The following MS4A12 variants were observed in gnomAD, a reference collection of about 807,000 sequenced individuals.
MS4A12 encodes the protein membrane spanning 4-domains A12.
MS4A12 carries 28 observed loss-of-function variants against 23.7 expected under a neutral mutation model. The ratio of observed to expected loss-of-function variants is 1.18; its 90% confidence interval spans 0.88 to 1.62. The LOEUF (loss-of-function observed/expected upper bound fraction) is 1.62. MS4A12 is among the 40% of genes most tolerant of loss of function. The pLI is 0.00. For synonymous variants in MS4A12, 108 were observed against 110.1 expected (o/e 0.98, Z 0.12); for missense variants, 342 against 327.0 (o/e 1.05, Z -0.35).
At position 60,492,826 on chromosome 11, in the gene MS4A12, AAAGT is replaced by A. The variant is rs1486040261; in HGVS notation, c.-7+3_-7+6del. 6.6e-6 allele frequency: 1 copy of A among 152,262 alleles called. No individual in the cohort carries two copies. Among genetic ancestry groups the A allele is most frequent in the Non-Finnish European group, 1.5e-5 (1 of 68,060 alleles). The allele number at this position is 152,262 out of a possible 1,614,324, so 9.4% of individuals were successfully genotyped here. On this transcript the variant is annotated splice_donor_variant and 5_prime_UTR_variant, in exon 1 of 7. Coordinates refer to ENST00000016913, the MANE Select transcript of MS4A12 (RefSeq NM_017716.3). LOFTEE classifies it low-confidence loss of function (5UTR_SPLICE). Reference sequence around the variant, plus strand: ...GGAAACATAGAGGTGCCAAAGGAACAAAGTAAGTCCATTGATACGTTCTTGCCTA... The same window carrying A: ...GGAAACATAGAGGTGCCAAAGGAACAAAGTCCATTGATACGTTCTTGCCTA...
intron 3 of MS4A12, 128 bp from the exon 4 acceptor site, chr11:60,501,855 A>T (rs555197140): frequency 4.6e-5 from 36 of 787,048 alleles, no homozygotes; most frequent in Non-Finnish European, 7.6e-5. Context: ...CAGAAAATTC[A>T]GAAGTGCGAG....
chr11:60,496,047 C>T (rs1423610657), intron 1 of MS4A12, among the ~76,000 whole-genome samples: 1 of 152,180 alleles, frequency 6.6e-6, no homozygotes, highest in African/African-American at 2.4e-5. Flanking sequence ...TCTGTGTAAC[C>T]TTGAGCATGT....
intron 3 of MS4A12, among the ~76,000 whole-genome samples, chr11:60,501,456 G>T (rs1192082035): frequency 6.6e-6 from 1 of 152,132 alleles, no homozygotes; most frequent in Non-Finnish European, 1.5e-5. Flanking sequence ...CATGTAATCA[G>T]CAAGCCAAAG....
At chr11:60,501,510 G>A (rs1590861864) in intron 3 of MS4A12, among the ~76,000 whole-genome samples, 2 of 152,078 alleles carry the variant, frequency 1.3e-5, no homozygotes, top group South Asian at 2.1e-4. Context: ...TATGTATTGG[G>A]TGGAGAGAGA....
intron 2 of MS4A12, among the ~76,000 whole-genome samples, chr11:60,500,209 C>G (rs867349517): frequency 6.6e-6 from 1 of 150,474 alleles, no homozygotes; most frequent in Admixed American, 6.6e-5. Flanking sequence ...CCACTGCACT[C>G]CAGCCTGGGC....
intron 2 of MS4A12, among the ~76,000 whole-genome samples, chr11:60,498,384 G>A (rs2086505580): frequency 6.6e-6 from 1 of 152,178 alleles, no homozygotes; most frequent in South Asian, 2.1e-4. Flanking sequence ...TTCAAGTTGT[G>A]ATGTTTTAGG....
In MS4A12 at chr11:60,503,737, A is replaced by G; in HGVS notation, c.508A>G (p.Ile170Val). 1 of 1,613,870 alleles carries G rather than the reference A, an allele frequency of 6.2e-7. No individual in the cohort carries two copies. Among genetic ancestry groups the G allele is most frequent in the Non-Finnish European group, 8.5e-7 (1 of 1,179,858 alleles). Residue 170 changes from isoleucine (I) to valine (V), a missense_variant, in exon 5 of 7, where the codon ATC becomes GTC. Transcript: ENST00000016913. Reference protein sequence around the residue: ...GSLGMNIVSSILAFIGVILLL... With the variant: ...GSLGMNIVSSVLAFIGVILLL... ...CCTGGGAATGAACATTGTTAGTTCT[A>G]TCTTGGCCTTCATTGGAGTGATTCT...
intron 3 of MS4A12, 36 bp from the exon 4 acceptor site, chr11:60,501,947 A>G: frequency 6.4e-7 from 1 of 1,559,142 alleles, no homozygotes; most frequent in Non-Finnish European, 8.8e-7. Context: ...ACAACCAGTT[A>G]ACCCATTTCA....
At chr11:60,505,273 T>C (rs1224543232) in intron 5 of MS4A12, among the ~76,000 whole-genome samples, 3 of 152,058 alleles carry the variant, frequency 2.0e-5, no homozygotes, top group Non-Finnish European at 4.4e-5. Flanking sequence ...TCAGATCTCA[T>C]GAGACCCATT....
Position 60,496,100 on chromosome 11 carries a change from G to T in MS4A12, c.-6-1213G>T, listed in dbSNP as rs897490687. On this transcript the variant is annotated intron_variant, in intron 1 of 6. Coordinates refer to ENST00000016913, the MANE Select transcript of MS4A12 (RefSeq NM_017716.3). Reference sequence around the variant, plus strand: ...TCAATTTCTCATCTGTAAATCAAGGGGAATGAGACAGGATAAATGGAAAGG... The same window carrying T: ...TCAATTTCTCATCTGTAAATCAAGGTGAATGAGACAGGATAAATGGAAAGG... 2.0e-5 allele frequency among the ~76,000 whole-genome samples: 3 copies of T among 152,098 alleles called. No individual in the cohort carries two copies. The South Asian group carries it at 6.2e-4, about 32-fold the overall frequency.
intron 3 of MS4A12, 110 bp downstream of exon 3, chr11:60,501,292 C>T (rs3819092): frequency 0.061 from 75,086 of 1,231,678 alleles, 2,950 homozygotes; most frequent in East Asian, 0.17. Context: ...TTGATAAAGC[C>T]CTACATCTGA....
chr11:60,503,633 T>C lies in MS4A12; in HGVS notation c.472-68T>C. The C allele has an allele frequency of 3.3e-6, 4 of 1,213,776 alleles. No homozygotes were observed. In the South Asian group the frequency reaches 6.0e-5, roughly 18 times the overall value. 75.2% of individuals were successfully genotyped at this position (1,213,776 alleles called of 1,614,324 possible). On this transcript the variant is annotated intron_variant, in intron 4 of 6. Coordinates refer to ENST00000016913, the MANE Select transcript of MS4A12 (RefSeq NM_017716.3). Reference sequence around the variant, plus strand: ...AAAAATTAAGAACCATGAAATTTGATTGATTCTTATCTCACTTAACTTCAG... The same window carrying C: ...AAAAATTAAGAACCATGAAATTTGACTGATTCTTATCTCACTTAACTTCAG...
chr11:60,498,883 T>C (rs1297451319), intron 2 of MS4A12, among the ~76,000 whole-genome samples: 4 of 152,190 alleles, frequency 2.6e-5, no homozygotes, highest in Admixed American at 2.6e-4. Flanking sequence ...TTTGAGGTAT[T>C]TGAAGAACCG....
rs763016154 is a variant in MS4A12, at chr11:60,497,682, G to C, written c.276+88G>C. The C allele has an allele frequency of 5.2e-5, 72 of 1,378,642 alleles. No individual in the cohort carries two copies. The African/African-American group carries it at 8.9e-4, about 17-fold the overall frequency. The allele number at this position is 1,378,642 out of a possible 1,614,324, so 85.4% of individuals were successfully genotyped here. A position where few individuals can be genotyped will look rare whatever the true frequency, so the allele number is the denominator to read the frequency against. On this transcript the variant is annotated intron_variant, in intron 2 of 6. Transcript: ENST00000016913. ...GAGAGTATCATCCAATTGCTAAAAAGTTCTGAACGTTATTCTGAAATTATC... is the reference window on the plus strand; with the variant it reads ...GAGAGTATCATCCAATTGCTAAAAACTTCTGAACGTTATTCTGAAATTATC...
intron 5 of MS4A12, 80 bp downstream of exon 5, chr11:60,503,897 G>A (rs868107876): frequency 3.9e-5 from 47 of 1,190,256 alleles, no homozygotes; most frequent in African/African-American, 2.0e-4. Context: ...TCTTAATACC[G>A]TATACCAGCT....
rs201039425 is a variant in MS4A12 at position 60,503,829 on chromosome 11, A to C, written c.588+12A>C. 5.3e-5 allele frequency: 85 copies of C among 1,600,224 alleles called. 1 individual carries two copies. In the Middle Eastern group the frequency reaches 8.3e-4, roughly 16 times the overall value. ...ACTACTGGGCCGTGGTAAGTATCCC[A>C]TACTCCACCATGTGCCTGCTCTATT... is the stretch of plus-strand genomic sequence containing the variant. On this transcript the variant is annotated intron_variant, in intron 5 of 6. Transcript: ENST00000016913.
chr11:60,497,169 T>G, intron 1 of MS4A12, 144 bp from the exon 2 acceptor site: 2 of 1,005,998 alleles, frequency 2.0e-6, no homozygotes, highest in Non-Finnish European at 1.4e-6. Context: ...ATGAGAATCA[T>G]GTTTCTATCA....
intron 5 of MS4A12, 106 bp from the exon 6 acceptor site, chr11:60,506,622 C>A (rs1003190808): frequency 1.9e-5 from 14 of 720,716 alleles, no homozygotes; most frequent in Non-Finnish European, 2.8e-5. Flanking sequence ...AAGCATGGAG[C>A]GAGTTGAGTA....
At chr11:60,495,074 G>T (rs1478138572) in intron 1 of MS4A12, among the ~76,000 whole-genome samples, 2 of 150,708 alleles carry the variant, frequency 1.3e-5, no homozygotes, top group East Asian at 3.9e-4. Flanking sequence ...CTCACTGCAA[G>T]CTCCACCTCC....
Sources: allele counts gnomAD v4.1 joint callset (sites outside exome capture counted in the v4.1 genomes callset), GRCh38; gene constraint gnomAD v4.1.1; transcripts MANE v1.5; gene names NCBI Gene and HGNC (gene_info 2026-07-23, HGNC 2026-07-21).